Variants in RB1CC1 observed in about 807,000 individuals in gnomAD.
RB1CC1 encodes the protein RB1 inducible coiled-coil 1.
A neutral mutation model predicts 177.5 loss-of-function variants in RB1CC1; 46 were observed. The ratio of observed to expected loss-of-function variants is 0.26; its 90% CI spans 0.20 to 0.33. The LOEUF (loss-of-function observed/expected upper bound fraction) is 0.33, where lower values mean the gene tolerates loss of function less well. Ranked by LOEUF, RB1CC1 falls within the 10% of genes least tolerant of loss-of-function variation. The probability of loss-of-function intolerance (pLI) is 1.00; values close to 1 mark genes in which losing one functional copy is unlikely to be tolerated. For missense variants in RB1CC1, 1,703 were observed against 1,816.3 expected (o/e 0.94, Z 1.13); for synonymous variants, 666 against 613.6 (o/e 1.09, Z -1.26).
chr8:52,641,910 T>C (rs1040044194), intron 18 of RB1CC1, among the ~76,000 whole-genome samples: 1 of 152,128 alleles, frequency 6.6e-6, no homozygotes, highest in African/African-American at 2.4e-5. Flanking sequence ...CAGTAAGCTC[T>C]GCCACGATTT....
intron 16 of RB1CC1, among the ~76,000 whole-genome samples, chr8:52,643,696 CAAAAAAAAAA>C (rs34520917): frequency 1.2e-5 from 1 of 81,088 alleles, no homozygotes; most frequent in Non-Finnish European, 2.3e-5. Flanking sequence ...CTCTAAGAGG[CAAAAAAAAAA>C]AAAAAAAAAA....
At position 52,689,134 on chromosome 8, in the gene RB1CC1, C is replaced by T. The variant is rs188282808; in HGVS notation, c.-166-2167G>A. Among the ~76,000 whole-genome samples the T allele has an allele frequency of 3.9e-5, 6 of 152,144 alleles. No individual in the cohort carries two copies. The East Asian group carries it at 1.2e-3, about 29-fold the overall frequency. On this transcript the variant is annotated intron_variant, in intron 1 of 23. Transcript: ENST00000025008. ...TGAAACTCAACAAATCCAAATCAATCTCCTATATGCATTTCTTCAACATTA... is the reference window on the plus strand; with the variant it reads ...TGAAACTCAACAAATCCAAATCAATTTCCTATATGCATTTCTTCAACATTA...
chr8:52,653,010 T>A (rs1013551810), intron 15 of RB1CC1, among the ~76,000 whole-genome samples: 1 of 152,046 alleles, frequency 6.6e-6, no homozygotes, highest in East Asian at 1.9e-4. Context: ...TGAAGAGAGA[T>A]CACGCCACTG....
At chr8:52,650,043 T>C (rs1168194849) in intron 15 of RB1CC1, among the ~76,000 whole-genome samples, 1 of 152,214 alleles carries the variant, frequency 6.6e-6, no homozygotes. Flanking sequence ...TCTTATTGAC[T>C]TACTGTGGGA....
intron 15 of RB1CC1, among the ~76,000 whole-genome samples, chr8:52,652,700 T>A (rs1009348779): frequency 3.9e-5 from 6 of 152,136 alleles, no homozygotes; most frequent in African/African-American, 1.4e-4. Context: ...TGCACACAGA[T>A]TATATGAATA....
At chr8:52,638,100 T>C (rs371353491) in intron 18 of RB1CC1, among the ~76,000 whole-genome samples, 12 of 152,188 alleles carry the variant, frequency 7.9e-5, no homozygotes, top group East Asian at 3.8e-4. Flanking sequence ...TCTTACACCA[T>C]TGAGTATGAT....
intron 18 of RB1CC1, among the ~76,000 whole-genome samples, chr8:52,636,387 G>A (rs778429258): frequency 6.6e-5 from 10 of 152,108 alleles, no homozygotes; most frequent in Non-Finnish European, 1.0e-4. Context: ...TGATAAAGTC[G>A]TAGTTCTTGA....
At chr8:52,705,219 T>C (rs894590879) in intron 1 of RB1CC1, among the ~76,000 whole-genome samples, 4 of 152,310 alleles carry the variant, frequency 2.6e-5, no homozygotes, top group South Asian at 2.1e-4. Flanking sequence ...CAGATCCAAA[T>C]TGATCTTTAT....
intron 15 of RB1CC1, among the ~76,000 whole-genome samples, chr8:52,650,432 A>G (rs1468666075): frequency 6.6e-6 from 1 of 152,250 alleles, no homozygotes; most frequent in Non-Finnish European, 1.5e-5. Context: ...GAAAGTCTTC[A>G]AAGAACTGTA....
chr8:52,636,212 CA>C (rs1191220694), intron 18 of RB1CC1, 143 bp from the exon 19 acceptor site: 1 of 883,508 alleles, frequency 1.1e-6, no homozygotes, highest in Non-Finnish European at 1.6e-6. Flanking sequence ...TTTCAGTTAG[CA>C]TGTAATTTCA....
At chr8:52,643,857 AAT>A in intron 16 of RB1CC1, among the ~76,000 whole-genome samples, 1 of 152,208 alleles carries the variant, frequency 6.6e-6, no homozygotes, top group South Asian at 2.1e-4. Flanking sequence ...TGGATCAATG[AAT>A]AATGCTAACA....
intron 12 of RB1CC1, 70 bp downstream of exon 12, chr8:52,660,526 T>C: frequency 1.5e-6 from 2 of 1,345,532 alleles, no homozygotes; most frequent in South Asian, 1.3e-5. Context: ...TTCTGATAAA[T>C]GTCTCTACTT....
intron 8 of RB1CC1, among the ~76,000 whole-genome samples, chr8:52,665,857 T>C (rs1342334178): frequency 6.6e-6 from 1 of 152,130 alleles, no homozygotes; most frequent in Non-Finnish European, 1.5e-5. Flanking sequence ...AAATAAGTAG[T>C]CAGCAGTCCT....
At chr8:52,668,813 C>A (rs1852304708) in intron 7 of RB1CC1, among the ~76,000 whole-genome samples, 1 of 152,186 alleles carries the variant, frequency 6.6e-6, no homozygotes, top group African/African-American at 2.4e-5. Context: ...CAAAAACTAC[C>A]AATGACCTTG....
chr8:52,658,047 C>T lies in RB1CC1; in HGVS notation c.1871G>A (p.Ser624Asn), dbSNP rs1398820848. The T allele has an allele frequency of 3.1e-6, 5 of 1,614,058 alleles. No homozygotes were observed. Among genetic ancestry groups the T allele is most frequent in the East Asian group, 2.2e-5 (1 of 44,860 alleles). The change falls in exon 14 of 24, where the codon AGT becomes AAT. Residue 624 changes from serine (S) to asparagine (N), a missense_variant. By Grantham distance (46) the Ser-to-Asn change is conservative. This residue lies in a region of RB1CC1 where 1,169 missense variants were observed against 1,184.7 expected (regional missense o/e 0.99). Coordinates refer to ENST00000025008, the MANE Select transcript of RB1CC1 (RefSeq NM_014781.5). ...AATGGTCTGTGACATTTCATCCAAA[C>T]TTTGTGCTGCTTTTACCAAATTATG... Reference protein sequence around the residue: ...ALHNLVKAAQSLDEMSQTITD... With the variant: ...ALHNLVKAAQNLDEMSQTITD...
chr8:52,659,170 C>A (rs888854621), intron 12 of RB1CC1, among the ~76,000 whole-genome samples, 194 bp from the exon 13 acceptor site: 1 of 152,126 alleles, frequency 6.6e-6, no homozygotes, highest in Non-Finnish European at 1.5e-5. Flanking sequence ...TAAACTGCGA[C>A]GTGAACTGCT....
At chr8:52,674,874 A>T (rs1467268359) in intron 6 of RB1CC1, among the ~76,000 whole-genome samples, 1 of 152,224 alleles carries the variant, frequency 6.6e-6, no homozygotes, top group African/African-American at 2.4e-5. Flanking sequence ...ATTTACAAAA[A>T]GATTCACCAT....
chr8:52,669,810 A>G (rs965237609), intron 7 of RB1CC1, among the ~76,000 whole-genome samples: 1 of 152,242 alleles, frequency 6.6e-6, no homozygotes, highest in Admixed American at 6.5e-5. Context: ...AATTATACAT[A>G]AACTTAACAT....
intron 6 of RB1CC1, 143 bp downstream of exon 6, chr8:52,676,226 T>A (rs942620603): frequency 1.9e-5 from 13 of 684,194 alleles, no homozygotes; most frequent in African/African-American, 3.7e-5. Flanking sequence ...AACCTACAAA[T>A]CACTATCAGA....
Sources: gnomAD v4.1 joint callset for allele counts (sites outside exome capture counted in the v4.1 genomes callset) on GRCh38, gnomAD v4.1.1 for gene constraint, gnomAD v4.1.1 regional missense constraint, MANE v1.5 for transcripts, NCBI Gene and HGNC (gene_info 2026-07-23, HGNC 2026-07-21) for gene names.